Variants in IFNAR2 observed in about 807,000 individuals in gnomAD.
IFNAR2 encodes interferon alpha and beta receptor subunit 2.
A neutral mutation model predicts 49.4 loss-of-function variants in IFNAR2; 30 were observed. The ratio of observed to expected loss-of-function variants is 0.61; its 90% CI spans 0.45 to 0.82. IFNAR2 has a LOEUF of 0.82. Ranked by LOEUF, IFNAR2 falls within the 40% of genes least tolerant of loss-of-function variation. IFNAR2 has a pLI of 0.00. For missense variants in IFNAR2, 600 were observed against 622.7 expected (o/e 0.96, Z 0.39); for synonymous variants, 224 against 234.5 (o/e 0.96, Z 0.41).
rs573366727 is a variant in IFNAR2, at chr21:33,244,592, G to C, written c.98-359G>C. On this transcript the variant is annotated intron_variant, in intron 3 of 8. Transcript: ENST00000342136. ...AGAACGGCTTGGGGAGGGAGAATGG[G>C]TAGGGGAGAGTGAAAGGAAGTGCAT... Among the ~76,000 whole-genome samples the C allele has an allele frequency of 2.9e-4, 44 of 152,264 alleles. No homozygotes were observed. The East Asian group carries it at 6.2e-3, about 21-fold the overall frequency.
intron 1 of IFNAR2, chr21:33,232,899 A>G (rs151272210): frequency 7.7e-5 from 70 of 910,364 alleles, no homozygotes; most frequent in African/African-American, 7.5e-4. Context: ...AAGCCAAACT[A>G]GTAGCAGCAA....
rs1471122118 is a variant in IFNAR2 at position 33,263,701 on chromosome 21, T to C, written c.*201T>C. The C allele has an allele frequency of 1.7e-6, 1 of 581,530 alleles. No homozygotes were observed. Among genetic ancestry groups the C allele is most frequent in the Non-Finnish European group, 3.0e-6 (1 of 328,898 alleles). The allele number at this position is 581,530 out of a possible 1,614,324, so 36.0% of individuals were successfully genotyped here. A position where few individuals can be genotyped will look rare whatever the true frequency, so the allele number is the denominator to read the frequency against. On this transcript the variant is annotated 3_prime_UTR_variant, in exon 9 of 9. Coordinates refer to ENST00000342136, the MANE Select transcript of IFNAR2 (RefSeq NM_001289125.3). The stretch of plus-strand genomic sequence containing the variant: ...AGTATCATTCAGTGCATTGTTTACA[T>C]ATTCAAAGTGGTGCACTTTGAAGGA...
chr21:33,263,276 G>A lies in IFNAR2; in HGVS notation c.1324G>A (p.Asp442Asn), dbSNP rs1251211762. Residue 442 changes from aspartate (D) to asparagine (N), a missense_variant, in exon 9 of 9, where the codon GAC (aspartate) becomes AAC (asparagine). Physicochemically the swap from Asp to Asn is conservative, Grantham distance 23. Transcript: ENST00000342136. The stretch of plus-strand genomic sequence containing the variant: ...AGTTCTTGATGACGAGGACAGTGAC[G>A]ACTTAGAAGCCCCTCTGATGCTATC... ...LRVLDDEDSD[D>N]LEAPLMLSSH... 5.6e-6 allele frequency: 9 copies of A among 1,614,216 alleles called. No homozygotes were observed. In the Admixed American group the frequency reaches 6.7e-5, roughly 12 times the overall value.
intron 6 of IFNAR2, chr21:33,251,586 C>A: frequency 1.0e-6 from 1 of 985,336 alleles, no homozygotes; most frequent in Non-Finnish European, 1.2e-6. Flanking sequence ...AACTCCTCCT[C>A]CCAAACAGAA....
At chr21:33,260,219 C>G (rs2123528994) in intron 7 of IFNAR2, among the ~76,000 whole-genome samples, 1 of 152,292 alleles carries the variant, frequency 6.6e-6, no homozygotes, top group East Asian at 1.9e-4. Flanking sequence ...TTCTTCCTGC[C>G]CGCAGCGCAT....
At chr21:33,250,940 T>C (rs1379689727) in intron 6 of IFNAR2, among the ~76,000 whole-genome samples, 3 of 151,896 alleles carry the variant, frequency 2.0e-5, no homozygotes, top group Non-Finnish European at 4.4e-5. Flanking sequence ...GGTTAGAGGG[T>C]TTGGGACATG....
chr21:33,259,446 A>G (rs1988424574), intron 7 of IFNAR2, among the ~76,000 whole-genome samples: 1 of 152,220 alleles, frequency 6.6e-6, no homozygotes, highest in Non-Finnish European at 1.5e-5. Flanking sequence ...GTTCTCCTAA[A>G]GAATTCTCAG....
At position 33,265,582 on chromosome 21, in the gene IFNAR2, T is replaced by C. The variant is rs1428087184; in HGVS notation, c.*2082T>C. Reference sequence around the variant, plus strand: ...TAACCTCTATGGCTGTGAGTGTGTGTGTGTGTTTGTGTATTTTTTAACATT... The same window carrying C: ...TAACCTCTATGGCTGTGAGTGTGTGCGTGTGTTTGTGTATTTTTTAACATT... On this transcript the variant is annotated 3_prime_UTR_variant, in exon 9 of 9. Coordinates refer to ENST00000342136, the MANE Select transcript of IFNAR2 (RefSeq NM_001289125.3). 1 of 194,996 alleles carries C rather than the reference T, an allele frequency of 5.1e-6. No individual in the cohort carries two copies. Among genetic ancestry groups the C allele is most frequent in the Non-Finnish European group, 1.1e-5 (1 of 91,666 alleles). 12.1% of individuals were successfully genotyped at this position (194,996 alleles called of 1,614,324 possible). A position where few individuals can be genotyped will look rare whatever the true frequency, so the allele number is the denominator to read the frequency against.
chr21:33,240,988 G>A (rs973258056), intron 1 of IFNAR2, among the ~76,000 whole-genome samples: 3 of 152,104 alleles, frequency 2.0e-5, no homozygotes, highest in African/African-American at 4.8e-5. Context: ...AATAAAAAAT[G>A]TGCACACATT....
chr21:33,255,882 T>G (rs750325492), intron 7 of IFNAR2, among the ~76,000 whole-genome samples: 1 of 152,216 alleles, frequency 6.6e-6, no homozygotes, highest in African/African-American at 2.4e-5. Context: ...TAAACTCATA[T>G]GTGGCCCCTA....
chr21:33,254,455 A>G (rs911679905), intron 7 of IFNAR2, among the ~76,000 whole-genome samples: 1 of 152,182 alleles, frequency 6.6e-6, no homozygotes, highest in Non-Finnish European at 1.5e-5. Context: ...TCTTGCAGGG[A>G]AAATCTGCTT....
chr21:33,243,467 T>C (rs1987146292), intron 2 of IFNAR2, among the ~76,000 whole-genome samples: 1 of 152,188 alleles, frequency 6.6e-6, no homozygotes, highest in African/African-American at 2.4e-5. Context: ...ATGGATCTTA[T>C]TTTATCTCAG....
At chr21:33,261,615 C>T (rs1568896089) in intron 8 of IFNAR2, among the ~76,000 whole-genome samples, 1 of 152,170 alleles carries the variant, frequency 6.6e-6, no homozygotes, top group African/African-American at 2.4e-5. Flanking sequence ...TGGCTCACGC[C>T]TGTAATCTCA....
chr21:33,235,312 A>C (rs969186029), intron 1 of IFNAR2, among the ~76,000 whole-genome samples: 2 of 152,188 alleles, frequency 1.3e-5, no homozygotes, highest in East Asian at 1.9e-4. Flanking sequence ...CCCAGCTGCT[A>C]CTCAAGATGG....
At chr21:33,253,589 A>G (rs1259826601) in intron 7 of IFNAR2, among the ~76,000 whole-genome samples, 1 of 152,236 alleles carries the variant, frequency 6.6e-6, no homozygotes, top group African/African-American at 2.4e-5. Context: ...GAAAGAATTC[A>G]GAGCGAGTCC....
At chr21:33,248,680 A>G in intron 5 of IFNAR2, 29 bp from the exon 6 acceptor site, 2 of 1,581,284 alleles carry the variant, frequency 1.3e-6, no homozygotes, top group Non-Finnish European at 1.7e-6. Flanking sequence ...TCTGTGACAT[A>G]TTCCTGTCTG....
chr21:33,244,736 C>G (rs1014800761), intron 3 of IFNAR2, among the ~76,000 whole-genome samples: 2 of 152,170 alleles, frequency 1.3e-5, no homozygotes, highest in Non-Finnish European at 2.9e-5. Flanking sequence ...GTCCCTGTTT[C>G]CCATGCTTGC....
At chr21:33,258,268 G>A (rs1988345392) in intron 7 of IFNAR2, among the ~76,000 whole-genome samples, 1 of 152,262 alleles carries the variant, frequency 6.6e-6, no homozygotes, top group South Asian at 2.1e-4. Flanking sequence ...TGGTACCACT[G>A]TACTCCAGCC....
chr21:33,262,964 A>T lies in IFNAR2; in HGVS notation c.1012A>T (p.Thr338Ser). 6.2e-7 allele frequency: 1 copy of T among 1,614,162 alleles called. No homozygotes were observed. Among genetic ancestry groups the T allele is most frequent in the Non-Finnish European group, 8.5e-7 (1 of 1,180,024 alleles). Residue 338 changes from threonine (T) to serine (S), a missense_variant, in exon 9 of 9, where the codon ACC becomes TCC. Transcript: ENST00000342136. Reference protein sequence around the residue: ...AAPRTSGGGYTMHGLTVRPLG... With the variant: ...AAPRTSGGGYSMHGLTVRPLG... ...GCCCAGGACAAGTGGCGGTGGCTAT[A>T]CCATGCATGGACTGACTGTCAGGCC...
Sources: allele counts gnomAD v4.1 joint callset (sites outside exome capture counted in the v4.1 genomes callset), GRCh38; gene constraint gnomAD v4.1.1; transcripts MANE v1.5; gene names NCBI Gene and HGNC (gene_info 2026-07-23, HGNC 2026-07-21).